The following DLGAP2 variants were observed in gnomAD, a reference collection of about 807,000 sequenced individuals.
The protein encoded by DLGAP2 is DLG associated protein 2.
Under a neutral mutation model 100.3 loss-of-function variants are expected in DLGAP2, and 26 were observed. The ratio of observed to expected loss-of-function variants is 0.26; its 90% CI spans 0.19 to 0.36. The LOEUF is 0.36. Ranked by LOEUF, DLGAP2 falls within the 10% of genes least tolerant of loss-of-function variation. The probability of loss-of-function intolerance (pLI) is 1.00; values close to 1 mark genes in which losing one functional copy is unlikely to be tolerated. For synonymous variants in DLGAP2, 886 were observed against 630.1 expected (o/e 1.41, Z -6.08); for missense variants, 1,858 against 1,453.2 (o/e 1.28, Z -4.53).
chr8:1,199,322 G>C (rs942511013), intron 2 of DLGAP2, among the ~76,000 whole-genome samples: 7 of 152,294 alleles, frequency 4.6e-5, no homozygotes, highest in East Asian at 1.9e-4. Flanking sequence ...GCTTCTCCCT[G>C]GTGATCTCTT....
At chr8:1,275,972 A>G (rs1394597540) in intron 3 of DLGAP2, among the ~76,000 whole-genome samples, 2 of 97,406 alleles carry the variant, frequency 2.1e-5, no homozygotes, top group African/African-American at 3.5e-5. Flanking sequence ...TATAATATAT[A>G]TAAATATAAT....
At chr8:1,311,282 TA>T (rs1340677703) in intron 3 of DLGAP2, among the ~76,000 whole-genome samples, 7 of 152,120 alleles carry the variant, frequency 4.6e-5, no homozygotes, top group East Asian at 1.9e-4. Context: ...TCTATAATGA[TA>T]AAAAAATAAA....
chr8:1,249,800 T>A (rs1160844225), intron 2 of DLGAP2, among the ~76,000 whole-genome samples: 4 of 152,216 alleles, frequency 2.6e-5, no homozygotes, highest in Admixed American at 2.6e-4. Context: ...TCGGTGCACA[T>A]CCGTTAGGCA....
intron 3 of DLGAP2, among the ~76,000 whole-genome samples, chr8:1,433,025 G>C (rs1441937310): frequency 6.6e-6 from 1 of 152,190 alleles, no homozygotes; most frequent in Non-Finnish European, 1.5e-5. Flanking sequence ...CCCACAGTCT[G>C]CTCTCCTCAT....
chr8:1,051,092 G>T (rs1010937280), intron 2 of DLGAP2, among the ~76,000 whole-genome samples: 11 of 148,740 alleles, frequency 7.4e-5, no homozygotes, highest in Admixed American at 6.1e-4. Context: ...CTTTTTGTGG[G>T]CAGGGGGTCA....
Position 1,489,018 on chromosome 8 carries a change from A to G in DLGAP2, c.107-12348A>G, listed in dbSNP as rs990366525. Among the ~76,000 whole-genome samples the G allele has an allele frequency of 2.6e-5, 4 of 152,320 alleles. No homozygotes were observed. The East Asian group carries it at 7.7e-4, about 29-fold the overall frequency. On this transcript the variant is annotated intron_variant, in intron 3 of 14. Transcript: ENST00000637795. ...ACTCAACTCGCATTCAGCTTAAATA[A>G]TCCGCACTGTTACCTTCTGCACATG...
At chr8:1,326,677 G>A (rs192729840) in intron 3 of DLGAP2, among the ~76,000 whole-genome samples, 1 of 152,360 alleles carries the variant, frequency 6.6e-6, no homozygotes, top group Non-Finnish European at 1.5e-5. Context: ...CTTGTCAAGT[G>A]AACAGGAGCT....
chr8:1,007,534 G>A (rs1801153886), intron 2 of DLGAP2, among the ~76,000 whole-genome samples: 1 of 151,988 alleles, frequency 6.6e-6, no homozygotes, highest in South Asian at 2.1e-4. Context: ...AAGGCCAGCG[G>A]ATGTACACGA....
intron 10 of DLGAP2, among the ~76,000 whole-genome samples, 167 bp downstream of exon 10, chr8:1,669,951 C>G (rs747406943): frequency 6.6e-6 from 1 of 152,194 alleles, no homozygotes; most frequent in Non-Finnish European, 1.5e-5. Flanking sequence ...AAGGGGCTCA[C>G]CAGGGTCCCT....
At chr8:1,667,172 T>C (rs1798565341) in intron 8 of DLGAP2, among the ~76,000 whole-genome samples, 1 of 152,206 alleles carries the variant, frequency 6.6e-6, no homozygotes, top group Admixed American at 6.5e-5. Flanking sequence ...AGGAAAATAA[T>C]TGACTGTAAC....
intron 3 of DLGAP2, among the ~76,000 whole-genome samples, chr8:1,436,041 T>C (rs1797612922): frequency 6.6e-6 from 1 of 152,154 alleles, no homozygotes; most frequent in African/African-American, 2.4e-5. Flanking sequence ...AGTTACAGTG[T>C]GTGTATGAGT....
intron 3 of DLGAP2, among the ~76,000 whole-genome samples, chr8:1,482,336 C>T (rs982681409): frequency 1.3e-5 from 2 of 152,218 alleles, no homozygotes; most frequent in African/African-American, 4.8e-5. Context: ...GGCTTGCCTT[C>T]CTCAGAGTTC....
chr8:749,181 G>A (rs1243986912), intron 1 of DLGAP2, among the ~76,000 whole-genome samples: 1 of 152,126 alleles, frequency 6.6e-6, no homozygotes, highest in Non-Finnish European at 1.5e-5. Context: ...AGTAAAGCTG[G>A]GGTTTGGCTA....
At chr8:880,106 G>A (rs1797759001) in intron 1 of DLGAP2, among the ~76,000 whole-genome samples, 1 of 152,130 alleles carries the variant, frequency 6.6e-6, no homozygotes, top group African/African-American at 2.4e-5. Flanking sequence ...TCCTTTGAGA[G>A]GGGTGAGGGG....
At position 1,549,353 on chromosome 8, in the gene DLGAP2, C is replaced by A. The variant is rs200420347; in HGVS notation, c.900C>A (p.Asp300Glu). ...RPGMSSWWSS[D>E]DNLDSDSTYR... ...GCATGAGCAGCTGGTGGAGCTCGGA[C>A]GACAACCTGGACAGCGACAGCACCT... is the stretch of plus-strand genomic sequence containing the variant. Residue 300 changes from aspartate to glutamate, a missense_variant, in exon 5 of 15, where the codon GAC becomes GAA. Asp to Glu is a conservative substitution (Grantham distance 45). Transcript: ENST00000637795. 2.5e-6 allele frequency: 4 copies of A among 1,613,414 alleles called. No homozygotes were observed. In the South Asian group the frequency reaches 3.3e-5, roughly 13 times the overall value.
intron 6 of DLGAP2, among the ~76,000 whole-genome samples, chr8:1,584,698 A>T (rs915509149): frequency 6.6e-6 from 1 of 152,106 alleles, no homozygotes; most frequent in African/African-American, 2.4e-5. Flanking sequence ...TTCGAATGGC[A>T]CTTGGCACTT....
intron 1 of DLGAP2, among the ~76,000 whole-genome samples, chr8:785,345 T>C (rs1381631190): frequency 6.7e-6 from 1 of 148,192 alleles, no homozygotes; most frequent in Non-Finnish European, 1.5e-5. Context: ...AAAGCGGAGC[T>C]CTCATGAGGC....
chr8:1,179,952 T>C (rs180828549), intron 2 of DLGAP2, among the ~76,000 whole-genome samples: 1 of 152,222 alleles, frequency 6.6e-6, no homozygotes, highest in African/African-American at 2.4e-5. Flanking sequence ...AAATAAAGAT[T>C]GGATGCTTGT....
intron 4 of DLGAP2, among the ~76,000 whole-genome samples, chr8:1,508,869 T>C (rs1204954832): frequency 6.6e-6 from 1 of 151,686 alleles, no homozygotes; most frequent in Non-Finnish European, 1.5e-5. Flanking sequence ...CCAGAGGGGA[T>C]CATTTGTAGT....
Sources: gnomAD v4.1 joint callset for allele counts (sites outside exome capture counted in the v4.1 genomes callset) on GRCh38, gnomAD v4.1.1 for gene constraint, MANE v1.5 for transcripts, NCBI Gene and HGNC (gene_info 2026-07-23, HGNC 2026-07-21) for gene names.